The following MAF variants were observed in gnomAD, a reference collection of about 807,000 sequenced individuals.
The protein encoded by MAF is MAF bZIP transcription factor, also known as transcription factor Maf.
In MAF, 10 loss-of-function variants were observed where a neutral mutation model predicts 22.0. That is an observed-to-expected ratio of 0.45 (90% CI 0.28 to 0.77). The LOEUF is 0.77. Among genes scored for constraint, MAF ranks in the 30% least tolerant of loss-of-function variants. MAF has a pLI of 0.12. For missense variants in MAF, 544 were observed against 548.4 expected (o/e 0.99, Z 0.08); for synonymous variants, 337 against 255.8 (o/e 1.32, Z -3.03).
At chr16:79,256,773 G>C in the MAF span, among the ~76,000 whole-genome samples, 2 of 152,280 alleles carry the variant, frequency 1.3e-5, no homozygotes, top group South Asian at 4.1e-4. Flanking sequence ...CAGAAATTTT[G>C]ACAGTACACA....
the MAF span, among the ~76,000 whole-genome samples, chr16:79,259,221 C>G: frequency 6.6e-6 from 1 of 152,146 alleles, no homozygotes; most frequent in Non-Finnish European, 1.5e-5. Context: ...CTGCTCAGTC[C>G]CCTTGGCCTT....
At chr16:79,357,797 C>T in the MAF span, among the ~76,000 whole-genome samples, 1 of 152,148 alleles carries the variant, frequency 6.6e-6, no homozygotes, top group African/African-American at 2.4e-5. Context: ...AGATCCCATT[C>T]TCCTCCCTGC....
downstream of MAF, among the ~76,000 whole-genome samples, chr16:79,591,360 C>T (rs1411924014): frequency 6.6e-6 from 1 of 152,150 alleles, no homozygotes; most frequent in Non-Finnish European, 1.5e-5. Flanking sequence ...TCAGCAGACA[C>T]GACTCCTTCA....
chr16:79,398,816 A>T, the MAF span, among the ~76,000 whole-genome samples: 1 of 152,172 alleles, frequency 6.6e-6, no homozygotes, highest in South Asian at 2.1e-4. Flanking sequence ...CAACCCCAAG[A>T]CTAGGTTCAG....
chr16:79,551,410 G>T, the MAF span, among the ~76,000 whole-genome samples: 1 of 152,162 alleles, frequency 6.6e-6, no homozygotes, highest in East Asian at 1.9e-4. Flanking sequence ...TGCCCTGTGG[G>T]TAATTTATGG....
At chr16:79,214,970 A>T in the MAF span, among the ~76,000 whole-genome samples, 2 of 151,822 alleles carry the variant, frequency 1.3e-5, no homozygotes, top group Non-Finnish European at 2.9e-5. Flanking sequence ...TCAGCCCCCC[A>T]AAGTGCTGGG....
the MAF span, among the ~76,000 whole-genome samples, chr16:79,385,750 A>G: frequency 3.3e-5 from 5 of 152,002 alleles, no homozygotes; most frequent in South Asian, 1.0e-3. Context: ...AAAATACAAA[A>G]TTTAGCTGGG....
At chr16:79,565,512 G>T in the MAF span, among the ~76,000 whole-genome samples, 1 of 152,062 alleles carries the variant, frequency 6.6e-6, no homozygotes, top group African/African-American at 2.4e-5. Flanking sequence ...GTTGTGGGGG[G>T]GGGGACCAGT....
chr16:79,356,246 A>G, the MAF span, among the ~76,000 whole-genome samples: 1 of 152,134 alleles, frequency 6.6e-6, no homozygotes, highest in Non-Finnish European at 1.5e-5. Context: ...CACATGCTAT[A>G]CCCTGCCATC....
the MAF span, among the ~76,000 whole-genome samples, chr16:79,570,167 G>T: frequency 3.3e-5 from 5 of 152,074 alleles, no homozygotes; most frequent in Admixed American, 3.3e-4. Context: ...GGACATATCT[G>T]CAAGGTAAAG....
At chr16:79,212,188 G>C in the MAF span, 1 of 1,467,674 alleles carries the variant, frequency 6.8e-7, no homozygotes, top group Non-Finnish European at 8.9e-7. Flanking sequence ...GCCGGGGGCT[G>C]GCCTTCTCCT....
chr16:79,240,353 A>T, the MAF span, among the ~76,000 whole-genome samples: 1 of 151,228 alleles, frequency 6.6e-6, no homozygotes, highest in South Asian at 2.1e-4. Context: ...CATTTTAACT[A>T]AACTCCTCAT....
intron 1 of MAF, chr16:79,595,279 G>T (rs1913449434): frequency 9.5e-7 from 1 of 1,049,060 alleles, no homozygotes; most frequent in Non-Finnish European, 1.2e-6. Context: ...TCAAAATGTC[G>T]AGGTTACACA....
At chr16:79,470,358 C>T in the MAF span, among the ~76,000 whole-genome samples, 30 of 152,000 alleles carry the variant, frequency 2.0e-4, no homozygotes, top group African/African-American at 7.0e-4. Context: ...TGTTACTGAG[C>T]CCCCCCAGGG....
At chr16:79,498,612 T>C in the MAF span, among the ~76,000 whole-genome samples, 15 of 152,300 alleles carry the variant, frequency 9.8e-5, no homozygotes, top group Non-Finnish European at 2.1e-4. Context: ...AGATGGAGGC[T>C]ATTAGTACGC....
the MAF span, among the ~76,000 whole-genome samples, chr16:79,572,530 C>T: frequency 6.6e-6 from 1 of 152,120 alleles, no homozygotes; most frequent in Non-Finnish European, 1.5e-5. Context: ...TCAGGTTGAT[C>T]AGGAGGAGGG....
chr16:79,203,534 A>C, the MAF span: 2 of 139,944 alleles, frequency 1.4e-5, no homozygotes, highest in Non-Finnish European at 3.0e-5. Context: ...TTTCAGGACT[A>C]TGTTATAGAA....
the MAF span, among the ~76,000 whole-genome samples, chr16:79,481,059 A>T: frequency 6.6e-6 from 1 of 152,130 alleles, no homozygotes; most frequent in East Asian, 1.9e-4. Flanking sequence ...TTCACTTAGT[A>T]TCAGTCCTAA....
At chr16:79,290,820 G>C in the MAF span, among the ~76,000 whole-genome samples, 4 of 152,056 alleles carry the variant, frequency 2.6e-5, no homozygotes, top group African/African-American at 9.7e-5. Flanking sequence ...AACTGCATTA[G>C]AGTCACTGAG....
Sources: gnomAD v4.1 joint callset for allele counts (sites outside exome capture counted in the v4.1 genomes callset) on GRCh38, gnomAD v4.1.1 for gene constraint, MANE v1.5 for transcripts, NCBI Gene and HGNC (gene_info 2026-07-23, HGNC 2026-07-21) for gene names.